Variants in STIM1 observed in about 807,000 individuals in gnomAD.
STIM1 encodes stromal interaction molecule 1.
Under a neutral mutation model 74.7 loss-of-function variants are expected in STIM1, and 25 were observed. That is an observed-to-expected ratio of 0.33 (90% CI 0.24 to 0.47). STIM1 has a LOEUF of 0.47. Among genes scored for constraint, STIM1 ranks in the 20% least tolerant of loss-of-function variants. The probability of loss-of-function intolerance (pLI) is 1.00; values close to 1 mark genes in which losing one functional copy is unlikely to be tolerated. For missense variants in STIM1, 728 were observed against 920.8 expected (o/e 0.79, Z 2.71); for synonymous variants, 328 against 348.8 (o/e 0.94, Z 0.66).
intron 2 of STIM1, among the ~76,000 whole-genome samples, chr11:3,993,916 G>A (rs74804326): frequency 5.9e-5 from 9 of 152,216 alleles, no homozygotes; most frequent in African/African-American, 2.2e-4. Flanking sequence ...AAGGGAAAGG[G>A]ATCTGTTTTG....
At chr11:4,066,156 G>C (rs544123338) in intron 5 of STIM1, among the ~76,000 whole-genome samples, 1 of 152,186 alleles carries the variant, frequency 6.6e-6, no homozygotes, top group East Asian at 1.9e-4. Context: ...CCATCCTCTG[G>C]TTCCCCCAGT....
At chr11:3,952,948 G>C (rs1011051426) in intron 1 of STIM1, among the ~76,000 whole-genome samples, 3 of 152,176 alleles carry the variant, frequency 2.0e-5, no homozygotes, top group Non-Finnish European at 4.4e-5. Context: ...ATGTTATTGA[G>C]GTCAAGGCCT....
chr11:3,873,340 C>T (rs1483585147), intron 1 of STIM1, among the ~76,000 whole-genome samples: 1 of 151,416 alleles, frequency 6.6e-6, no homozygotes, highest in African/African-American at 2.4e-5. Context: ...ATCGCTTGAA[C>T]CCGGGAGGCG....
At chr11:3,926,739 C>A (rs914988151) in intron 1 of STIM1, among the ~76,000 whole-genome samples, 12 of 152,152 alleles carry the variant, frequency 7.9e-5, no homozygotes, top group Non-Finnish European at 1.6e-4. Context: ...GTATCTGCAG[C>A]TAATTAAATC....
chr11:4,040,146 G>C (rs142406604), intron 3 of STIM1, among the ~76,000 whole-genome samples: 161 of 152,192 alleles, frequency 1.1e-3, no homozygotes, highest in Middle Eastern at 3.4e-3. Context: ...CTACCTCTGT[G>C]GTATTGGCCC....
chr11:3,940,219 T>G (rs866945994), intron 1 of STIM1, among the ~76,000 whole-genome samples: 3 of 152,178 alleles, frequency 2.0e-5, no homozygotes, highest in African/African-American at 7.2e-5. Context: ...AACTCTTGAA[T>G]GCCTAGCTCT....
chr11:4,089,911 A>G (rs1408199122), intron 12 of STIM1, among the ~76,000 whole-genome samples: 2 of 152,152 alleles, frequency 1.3e-5, no homozygotes, highest in South Asian at 2.1e-4. Context: ...AGGAAGGCAG[A>G]AGGAGGATTC....
chr11:3,950,321 A>G (rs2093130499), intron 1 of STIM1, among the ~76,000 whole-genome samples: 1 of 152,060 alleles, frequency 6.6e-6, no homozygotes, highest in South Asian at 2.1e-4. Flanking sequence ...TTTAGCAGAG[A>G]CGGGGTTTCA....
intron 4 of STIM1, 200 bp from the exon 5 acceptor site, chr11:4,059,081 C>T: frequency 1.3e-6 from 1 of 792,396 alleles, no homozygotes; most frequent in African/African-American, 1.7e-5. Context: ...GGGGAGAGGG[C>T]TGAACAAATT....
intron 1 of STIM1, among the ~76,000 whole-genome samples, chr11:3,957,406 G>A (rs1437478541): frequency 2.0e-5 from 3 of 151,816 alleles, no homozygotes; most frequent in Admixed American, 6.6e-5. Context: ...ACAGGCGCCC[G>A]CCACCACGCC....
At chr11:3,944,718 T>G (rs2093051341) in intron 1 of STIM1, among the ~76,000 whole-genome samples, 1 of 152,182 alleles carries the variant, frequency 6.6e-6, no homozygotes, top group Non-Finnish European at 1.5e-5. Context: ...TCTGCCTGAC[T>G]CCTTGAATTG....
At chr11:3,901,570 C>T (rs766270116) in intron 1 of STIM1, among the ~76,000 whole-genome samples, 4 of 152,124 alleles carry the variant, frequency 2.6e-5, no homozygotes, top group African/African-American at 4.8e-5. Flanking sequence ...CAGAAAATCT[C>T]CTAAGTGTTT....
At chr11:4,030,743 A>G (rs1353518368) in intron 3 of STIM1, among the ~76,000 whole-genome samples, 1 of 152,216 alleles carries the variant, frequency 6.6e-6, no homozygotes, top group Non-Finnish European at 1.5e-5. Context: ...ATTTATTTTA[A>G]ATAGACACTT....
At position 3,914,914 on chromosome 11, in the gene STIM1, CT is replaced by C. The variant is rs1043043135; in HGVS notation, c.140-52628del. ...TTTTTCCACATCTTTGCCAGTACTTCTTTTTTTTTTCCTTTTTGGTTTTGTT... is the reference window on the plus strand; with the variant it reads ...TTTTTCCACATCTTTGCCAGTACTTCTTTTTTTTTCCTTTTTGGTTTTGTT... On this transcript the variant is annotated intron_variant, in intron 1 of 12. Coordinates refer to ENST00000526596, the MANE Select transcript of STIM1 (RefSeq NM_001382567.1). Among the ~76,000 whole-genome samples the C allele has an allele frequency of 4.2e-4, 63 of 149,202 alleles. 1 individual carries two copies. The East Asian group carries it at 6.6e-3, about 16-fold the overall frequency.
chr11:3,942,984 C>T (rs929788650), intron 1 of STIM1, among the ~76,000 whole-genome samples: 5 of 152,164 alleles, frequency 3.3e-5, no homozygotes, highest in Admixed American at 6.5e-5. Context: ...TTGCCTGGAA[C>T]AGACACCCCA....
chr11:3,937,664 A>C (rs2092951562), intron 1 of STIM1, among the ~76,000 whole-genome samples: 1 of 152,148 alleles, frequency 6.6e-6, no homozygotes, highest in Non-Finnish European at 1.5e-5. Context: ...TCTTAGTCCC[A>C]GGGTTCACTC....
chr11:4,089,700 TA>T (rs2094512457), intron 12 of STIM1, among the ~76,000 whole-genome samples: 1 of 152,208 alleles, frequency 6.6e-6, no homozygotes. Context: ...GAATTAAATC[TA>T]CAATAGCTAT....
At chr11:4,019,185 A>C (rs900896112) in intron 2 of STIM1, 1 of 152,386 alleles carries the variant, frequency 6.6e-6, no homozygotes, top group Non-Finnish European at 1.5e-5. Context: ...CTGTTTGTAC[A>C]TAAAATAAAA....
intron 1 of STIM1, among the ~76,000 whole-genome samples, chr11:3,959,266 T>C (rs1250834534): frequency 6.6e-6 from 1 of 152,176 alleles, no homozygotes; most frequent in South Asian, 2.1e-4. Flanking sequence ...CAATTTCCAA[T>C]TCGTCCTATA....
Sources: gnomAD v4.1 joint callset for allele counts (sites outside exome capture counted in the v4.1 genomes callset) on GRCh38, gnomAD v4.1.1 for gene constraint, MANE v1.5 for transcripts, NCBI Gene and HGNC (gene_info 2026-07-23, HGNC 2026-07-21) for gene names.